Variants in TEX2 observed in about 807,000 individuals in gnomAD.
TEX2 encodes the protein testis expressed 2.
A neutral mutation model predicts 106.9 loss-of-function variants in TEX2; 53 were observed. The ratio of observed to expected loss-of-function variants is 0.50; its 90% confidence interval spans 0.40 to 0.62. TEX2 has a LOEUF of 0.62. Among genes scored for constraint, TEX2 ranks in the 20% least tolerant of loss-of-function variants. TEX2 has a pLI of 0.00. For synonymous variants in TEX2, 523 were observed against 534.8 expected, an observed-to-expected ratio of 0.98 and a Z score of 0.30; for missense variants, 1,207 against 1,379.0, an observed-to-expected ratio of 0.88 and a Z score of 1.98.
intron 5 of TEX2, among the ~76,000 whole-genome samples, chr17:64,178,183 A>G: frequency 6.6e-6 from 1 of 152,212 alleles, no homozygotes; most frequent in East Asian, 1.9e-4. Context: ...AATCCATCTG[A>G]AGCATCTGCT....
At chr17:64,167,645 C>A (rs1160802776) in intron 7 of TEX2, among the ~76,000 whole-genome samples, 1 of 151,984 alleles carries the variant, frequency 6.6e-6, no homozygotes, top group Non-Finnish European at 1.5e-5. Context: ...AGGGAGAAAC[C>A]CCCTCTCTAC....
At chr17:64,170,085 ACAT>A (rs143917598) in intron 7 of TEX2, among the ~76,000 whole-genome samples, 5 of 152,114 alleles carry the variant, frequency 3.3e-5, no homozygotes, top group Non-Finnish European at 5.9e-5. Flanking sequence ...ACAAATCCTT[ACAT>A]CATCATCATC....
chr17:64,210,441 A>G (rs1276262831), intron 2 of TEX2, among the ~76,000 whole-genome samples: 1 of 152,220 alleles, frequency 6.6e-6, no homozygotes, highest in Non-Finnish European at 1.5e-5. Flanking sequence ...TTAAAAACCC[A>G]AAAAACTAGG....
chr17:64,256,350 T>C (rs782667048), intron 1 of TEX2, among the ~76,000 whole-genome samples: 12 of 152,136 alleles, frequency 7.9e-5, no homozygotes, highest in Non-Finnish European at 1.6e-4. Flanking sequence ...TTAAGAAACT[T>C]CCCGAGGCCC....
chr17:64,149,579 A>C (rs2030237156), intron 11 of TEX2: 1 of 153,554 alleles, frequency 6.5e-6, no homozygotes, highest in Non-Finnish European at 1.4e-5. Context: ...CCAGAGTTCA[A>C]GACCAGCCTG....
intron 10 of TEX2, among the ~76,000 whole-genome samples, 157 bp from the exon 11 acceptor site, chr17:64,151,118 T>C (rs2030331756): frequency 6.6e-6 from 1 of 152,178 alleles, no homozygotes; most frequent in Non-Finnish European, 1.5e-5. Flanking sequence ...ACACAAAGTA[T>C]GAATTGTGAA....
At chr17:64,199,833 G>A (rs141304738) in intron 2 of TEX2, among the ~76,000 whole-genome samples, 1 of 152,192 alleles carries the variant, frequency 6.6e-6, no homozygotes, top group Non-Finnish European at 1.5e-5. Context: ...CAGTTATTGG[G>A]TTCAAGCTTT....
At chr17:64,171,245 C>T in intron 6 of TEX2, 46 bp from the exon 7 acceptor site, 1 of 1,501,676 alleles carries the variant, frequency 6.7e-7, no homozygotes, top group South Asian at 1.1e-5. Context: ...GAGCAACCTA[C>T]AAAACATGCT....
chr17:64,240,723 G>T (rs1555635658), intron 1 of TEX2, among the ~76,000 whole-genome samples: 1 of 152,164 alleles, frequency 6.6e-6, no homozygotes, highest in African/African-American at 2.4e-5. Context: ...CTTCTTCCTT[G>T]ATCGGTTTAG....
chr17:64,223,241 C>T lies in TEX2; in HGVS notation c.-25-8999G>A, dbSNP rs371219305. ...AAAAAGGTCATCATCATCAATTAGG[C>T]CATGAAAAACCAATCAACAATAAAT... On this transcript the variant is annotated intron_variant, in intron 1 of 11. Transcript: ENST00000584379. 3.4e-4 allele frequency among the ~76,000 whole-genome samples: 51 copies of T among 151,886 alleles called. No homozygotes were observed. The East Asian group carries it at 3.5e-3, about 10-fold the overall frequency.
intron 1 of TEX2, among the ~76,000 whole-genome samples, chr17:64,262,827 A>G (rs1555638782): frequency 6.6e-6 from 1 of 152,152 alleles, no homozygotes; most frequent in East Asian, 1.9e-4. Flanking sequence ...CATTCATAAA[A>G]TTGCAAGCCG....
intron 1 of TEX2, among the ~76,000 whole-genome samples, chr17:64,260,253 C>T (rs2034266357): frequency 6.6e-6 from 1 of 152,220 alleles, no homozygotes; most frequent in African/African-American, 2.4e-5. Flanking sequence ...TGAACATGTC[C>T]ACTCAAGAGG....
At chr17:64,191,776 T>TCACTG (rs1179605883) in intron 4 of TEX2, among the ~76,000 whole-genome samples, 1 of 135,268 alleles carries the variant, frequency 7.4e-6, no homozygotes, top group African/African-American at 2.9e-5. Context: ...CAAGATCGTG[T>TCACTG]CACTGCACTC....
rs538063577 is a variant in TEX2 at position 64,175,439 on chromosome 17, T to C, written c.2571+1886A>G. 1.2e-3 allele frequency among the ~76,000 whole-genome samples: 187 copies of C among 152,336 alleles called. 1 individual carries two copies. Among genetic ancestry groups the C allele is most frequent in the Non-Finnish European group, 1.9e-3 (131 of 68,032 alleles). Reference sequence around the variant, plus strand: ...AGTCTGTGAACTACCAGTGCCTCCATGATTATCAACGGGAGAAAATGAAAA... The same window carrying C: ...AGTCTGTGAACTACCAGTGCCTCCACGATTATCAACGGGAGAAAATGAAAA... On this transcript the variant is annotated intron_variant, in intron 6 of 11. Transcript: ENST00000584379.
At chr17:64,164,512 T>C (rs1473718682) in intron 7 of TEX2, among the ~76,000 whole-genome samples, 1 of 151,934 alleles carries the variant, frequency 6.6e-6, no homozygotes, top group Non-Finnish European at 1.5e-5. Flanking sequence ...TACAAGGACC[T>C]GGAAGGAGCT....
At chr17:64,188,930 A>G (rs2032194828) in intron 4 of TEX2, among the ~76,000 whole-genome samples, 1 of 152,202 alleles carries the variant, frequency 6.6e-6, no homozygotes, top group Non-Finnish European at 1.5e-5. Flanking sequence ...AGAGTAATGG[A>G]AGTAAAGAAA....
intron 1 of TEX2, among the ~76,000 whole-genome samples, chr17:64,214,520 A>C (rs2033129038): frequency 6.6e-6 from 1 of 152,160 alleles, no homozygotes; most frequent in African/African-American, 2.4e-5. Context: ...CCTCCCTTTT[A>C]ACTGGTTAAT....
chr17:64,190,818 C>T (rs1008853131), intron 4 of TEX2, among the ~76,000 whole-genome samples: 3 of 152,162 alleles, frequency 2.0e-5, no homozygotes, highest in African/African-American at 4.8e-5. Context: ...CTTAAGATCC[C>T]GTCAAACATT....
intron 4 of TEX2, 132 bp from the exon 5 acceptor site, chr17:64,188,547 T>C (rs2032173259): frequency 2.5e-5 from 36 of 1,418,454 alleles, no homozygotes; most frequent in Non-Finnish European, 3.3e-5. Flanking sequence ...CTGGGCATGG[T>C]GGCTCACGCC....
Sources: gnomAD v4.1 joint callset for allele counts (sites outside exome capture counted in the v4.1 genomes callset) on GRCh38, gnomAD v4.1.1 for gene constraint, MANE v1.5 for transcripts, NCBI Gene and HGNC (gene_info 2026-07-23, HGNC 2026-07-21) for gene names.